LYRM4: variants seen among roughly 807,000 people sequenced by gnomAD.
LYRM4 encodes the protein LYR motif containing 4, also known as LYR motif-containing protein 4.
A neutral mutation model predicts 11.7 loss-of-function variants in LYRM4; 9 were observed. The observed-to-expected ratio is 0.77, with a 90% CI of 0.46 to 1.34. LYRM4 has a LOEUF of 1.34. LYRM4 is among the 40% of genes most tolerant of loss of function. LYRM4 has a pLI of 0.00. For missense variants in LYRM4, 133 were observed against 112.5 expected (o/e 1.18, Z -0.82); for synonymous variants, 42 against 40.4 (o/e 1.04, Z -0.15).
chr6:5,237,816 A>G (rs548103087), intron 1 of LYRM4, among the ~76,000 whole-genome samples: 29 of 152,384 alleles, frequency 1.9e-4, no homozygotes, highest in Non-Finnish European at 3.1e-4. Flanking sequence ...ACAGGATGCC[A>G]GAAGCACAGG....
At chr6:5,045,690 T>G in the LYRM4 span, among the ~76,000 whole-genome samples, 1 of 152,236 alleles carries the variant, frequency 6.6e-6, no homozygotes, top group African/African-American at 2.4e-5. Flanking sequence ...GTCTGCTTCT[T>G]TCATTATAAA....
chr6:5,051,543 C>CAAACA, the LYRM4 span, among the ~76,000 whole-genome samples: 13 of 152,256 alleles, frequency 8.5e-5, no homozygotes, highest in Middle Eastern at 3.4e-3. Context: ...CAGGAAAAAA[C>CAAACA]AAACAAAACA....
the LYRM4 span, among the ~76,000 whole-genome samples, chr6:5,091,730 A>C: frequency 6.6e-6 from 1 of 152,234 alleles, no homozygotes; most frequent in Admixed American, 6.5e-5. Context: ...AATAGGTGAG[A>C]TCAATGGAGT....
chr6:5,085,677 G>A, the LYRM4 span: 2 of 1,548,338 alleles, frequency 1.3e-6, no homozygotes, highest in Non-Finnish European at 1.7e-6. Context: ...CGAAGGAAGA[G>A]GCCGCCCCCC....
chr6:5,081,153 G>A, the LYRM4 span, among the ~76,000 whole-genome samples: 3 of 134,086 alleles, frequency 2.2e-5, no homozygotes, highest in Admixed American at 1.5e-4. Context: ...GGGGGGGGTA[G>A]ACTGCACAGT....
At chr6:5,183,230 G>C (rs1760179137) in intron 2 of LYRM4, among the ~76,000 whole-genome samples, 1 of 152,150 alleles carries the variant, frequency 6.6e-6, no homozygotes, top group South Asian at 2.1e-4. Context: ...TAAAAGTACT[G>C]TGTTCTAATT....
Position 5,143,364 on chromosome 6 carries a change from T to A in LYRM4, c.208-33873A>T, listed in dbSNP as rs1017721809. 4.6e-5 allele frequency among the ~76,000 whole-genome samples: 7 copies of A among 152,358 alleles called. No individual in the cohort carries two copies. The South Asian group carries it at 1.4e-3, about 32-fold the overall frequency. ...CTTCAGGCCCATAACTGTGTGAGTC[T>A]GTGCTTATACATGGGCAAGTTTTAC... On this transcript the variant is annotated intron_variant, in intron 2 of 2. Transcript: ENST00000330636.
chr6:5,046,153 T>A, the LYRM4 span, among the ~76,000 whole-genome samples: 1 of 140,538 alleles, frequency 7.1e-6, no homozygotes, highest in Non-Finnish European at 1.5e-5. Flanking sequence ...AATATTCCAC[T>A]TTTTTTTTTT....
chr6:5,157,322 T>C (rs1030170718), intron 2 of LYRM4, among the ~76,000 whole-genome samples: 1 of 152,224 alleles, frequency 6.6e-6, no homozygotes, highest in Non-Finnish European at 1.5e-5. Flanking sequence ...CTTAGGTATC[T>C]GTGACGGACT....
At chr6:5,067,075 C>G in the LYRM4 span, 1 of 322,186 alleles carries the variant, frequency 3.1e-6, no homozygotes, top group Non-Finnish European at 5.7e-6. Flanking sequence ...TTGAAACATA[C>G]ATATATGCAC....
chr6:5,119,806 A>C (rs1444893523), intron 2 of LYRM4, among the ~76,000 whole-genome samples: 2 of 151,200 alleles, frequency 1.3e-5, no homozygotes, highest in Admixed American at 6.6e-5. Flanking sequence ...AAAAAAAAAA[A>C]AAAAAAAAAA....
chr6:5,106,731 A>ACAGAACTAGG, downstream of LYRM4: 1 of 152,252 alleles, frequency 6.6e-6, no homozygotes, highest in African/African-American at 2.4e-5. Context: ...TTGCTCGGCC[A>ACAGAACTAGG]ATGAGTTCTG....
At chr6:5,215,591 C>A (rs1263482313) in intron 2 of LYRM4, among the ~76,000 whole-genome samples, 1 of 152,288 alleles carries the variant, frequency 6.6e-6, no homozygotes, top group Non-Finnish European at 1.5e-5. Flanking sequence ...TATAACAAGA[C>A]CTTTAATCTT....
chr6:5,038,755 T>C, the LYRM4 span, among the ~76,000 whole-genome samples: 21,179 of 49,890 alleles, frequency 0.42, 9,146 homozygotes, highest in East Asian at 0.82. Context: ...GGCGTGGCGG[T>C]GTGCGCAGGC....
intron 2 of LYRM4, among the ~76,000 whole-genome samples, chr6:5,170,172 G>C (rs572829803): frequency 1.3e-5 from 2 of 152,326 alleles, no homozygotes; most frequent in African/African-American, 4.8e-5. Flanking sequence ...TCTGAGAAAG[G>C]GGGCAAGGTA....
intron 2 of LYRM4, among the ~76,000 whole-genome samples, chr6:5,119,771 A>T: frequency 7.2e-6 from 1 of 139,248 alleles, no homozygotes; most frequent in East Asian, 2.4e-4. Flanking sequence ...CCTGGGTGGC[A>T]GAATGAGACT....
At chr6:5,060,223 T>C in the LYRM4 span, among the ~76,000 whole-genome samples, 2 of 152,252 alleles carry the variant, frequency 1.3e-5, no homozygotes, top group African/African-American at 4.8e-5. Context: ...TTTAAAACAT[T>C]GATAGATATT....
intron 2 of LYRM4, among the ~76,000 whole-genome samples, chr6:5,139,151 G>C (rs895551006): frequency 6.6e-6 from 1 of 152,210 alleles, no homozygotes; most frequent in East Asian, 1.9e-4. Flanking sequence ...GACAGGCCTG[G>C]AGAGCATAAG....
chr6:5,144,310 G>C (rs1757576979), intron 2 of LYRM4: 21 of 1,534,888 alleles, frequency 1.4e-5, no homozygotes, highest in Non-Finnish European at 1.6e-5. Context: ...GCCTCAGTTT[G>C]GACAAGAAAA....
Sources: gnomAD v4.1 joint callset for allele counts (sites outside exome capture counted in the v4.1 genomes callset) on GRCh38, gnomAD v4.1.1 for gene constraint, MANE v1.5 for transcripts, NCBI Gene and HGNC (gene_info 2026-07-23, HGNC 2026-07-21) for gene names.